The following SPTA1 variants were observed in gnomAD, a reference collection of about 807,000 sequenced individuals.
SPTA1 encodes spectrin alpha chain, erythrocytic 1.
SPTA1 carries 177 observed loss-of-function variants against 324.7 expected under a neutral mutation model. That is an observed-to-expected ratio of 0.55 (90% confidence interval 0.48 to 0.62). SPTA1 has a LOEUF of 0.62. SPTA1 is among the 20% of genes least tolerant of loss of function. SPTA1 has a pLI of 0.00. For missense variants in SPTA1, 3,162 were observed against 2,883.6 expected, an observed-to-expected ratio of 1.10 and a Z score of -2.21; for synonymous variants, 1,195 against 1,041.3, an observed-to-expected ratio of 1.15 and a Z score of -2.84.
At chr1:158,613,041 A>C in intron 50 of SPTA1, 80 bp from the exon 51 acceptor site, 3 of 1,496,902 alleles carry the variant, frequency 2.0e-6, no homozygotes, top group Non-Finnish European at 2.8e-6. Context: ...TCAGTGTCTC[A>C]GAAACAGAGG....
chr1:158,619,697 A>G (rs1649788996), intron 44 of SPTA1, among the ~76,000 whole-genome samples: 1 of 152,216 alleles, frequency 6.6e-6, no homozygotes, highest in Non-Finnish European at 1.5e-5. Flanking sequence ...GTTACTATCT[A>G]AAAATGGTGA....
In SPTA1 at chr1:158,636,723, C is replaced by G. The variant is rs1431539435; in HGVS notation, c.5228G>C (p.Arg1743Thr). 2 of 1,614,042 alleles carry G rather than the reference C, an allele frequency of 1.2e-6. No individual in the cohort carries two copies. Among genetic ancestry groups the G allele is most frequent in the African/African-American group, 2.7e-5 (2 of 74,920 alleles). ...LIRVSSQDYG[R>T]DLQGVQNLLK... The stretch of plus-strand genomic sequence containing the variant: ...CAAGTTCTGAACCCCCTGAAGATCT[C>G]TCCCATAGTCCTGGGAGCTCACTCG... The change falls in exon 37 of 52, where the codon AGA becomes ACA. Residue 1743 changes from arginine to threonine, a missense_variant. Physicochemically the swap from Arg to Thr is moderately conservative, Grantham distance 71. Coordinates refer to ENST00000643759, the MANE Select transcript of SPTA1 (RefSeq NM_003126.4).
intron 3 of SPTA1, 144 bp from the exon 4 acceptor site, chr1:158,681,811 A>T: frequency 9.3e-7 from 1 of 1,079,952 alleles, no homozygotes; most frequent in Non-Finnish European, 1.4e-6. Flanking sequence ...TTAAAAGAGG[A>T]AATAGGATAG....
Position 158,612,806 on chromosome 1 carries a change from C to G in SPTA1, c.7134+11G>C. The G allele has an allele frequency of 6.2e-7, 1 of 1,613,688 alleles. No homozygotes were observed. The highest frequency in any genetic ancestry group is 8.5e-7 in the Non-Finnish European group (1 of 1,179,728). On this transcript the variant is annotated intron_variant, in intron 51 of 51. Coordinates refer to ENST00000643759, the MANE Select transcript of SPTA1 (RefSeq NM_003126.4). ...ATGACAGTGTAGTAGGGGAAGCAAC[C>G]AGAATCGGACCTGCTTCATGTCTTC...
intron 17 of SPTA1, chr1:158,661,613 C>A: frequency 1.5e-6 from 1 of 647,262 alleles, no homozygotes; most frequent in Non-Finnish European, 2.6e-6. Context: ...TAATAAATTT[C>A]AATTCACTGT....
intron 51 of SPTA1, 64 bp downstream of exon 51, chr1:158,612,753 G>A (rs2251963): frequency 0.27 from 428,529 of 1,590,894 alleles, 59,634 homozygotes; most frequent in East Asian, 0.41. Flanking sequence ...AGGCCACCGG[G>A]CCTGAGATGA....
rs2101878555 is a variant in SPTA1, at chr1:158,657,615, A to G, written c.2667T>C (p.Ala889=). 6.2e-7 allele frequency: 1 copy of G among 1,614,140 alleles called. No homozygotes were observed. The highest frequency in any genetic ancestry group is 1.3e-5 in the African/African-American group (1 of 75,024). Residue 889 remains alanine (A), a synonymous_variant, in exon 19 of 52, where the codon GCT becomes GCC. Transcript: ENST00000643759. ...QNMESLRARA[A]RRQNDLEANV... ...TGGCTTCAAGATCATTTTGTCGCCT[A>G]GCAGCTCGAGCACGGAGAGACTCCA...
At chr1:158,640,706 G>T (rs1651489968) in intron 33 of SPTA1, among the ~76,000 whole-genome samples, 1 of 152,024 alleles carries the variant, frequency 6.6e-6, no homozygotes, top group Non-Finnish European at 1.5e-5. Context: ...CATGCTCATG[G>T]GTAGGAAGAA....
chr1:158,646,982 A>C (rs1230134039), intron 27 of SPTA1, among the ~76,000 whole-genome samples: 1 of 152,080 alleles, frequency 6.6e-6, no homozygotes, highest in East Asian at 1.9e-4. Context: ...TATTATTTTT[A>C]AGTTTATCTC....
intron 29 of SPTA1, among the ~76,000 whole-genome samples, chr1:158,644,786 AATC>A (rs1365799694): frequency 6.6e-6 from 1 of 152,208 alleles, no homozygotes; most frequent in Non-Finnish European, 1.5e-5. Flanking sequence ...GTTTATTAAT[AATC>A]ATCTCACTGT....
chr1:158,650,690 T>A (rs1350279923), intron 24 of SPTA1, among the ~76,000 whole-genome samples: 40 of 152,260 alleles, frequency 2.6e-4, no homozygotes, highest in Non-Finnish European at 1.5e-4. Context: ...ATTTCTTCTG[T>A]GTGTGACAGT....
chr1:158,684,095 GAAA>G (rs869026924), intron 2 of SPTA1, among the ~76,000 whole-genome samples: 1 of 6,704 alleles, frequency 1.5e-4, no homozygotes, highest in Non-Finnish European at 5.4e-4. Context: ...ATTTAGGGAA[GAAA>G]AAAAAAAAAC....
intron 47 of SPTA1, among the ~76,000 whole-genome samples, chr1:158,615,654 A>C (rs1248918157): frequency 6.6e-6 from 1 of 151,980 alleles, no homozygotes; most frequent in Non-Finnish European, 1.5e-5. Context: ...GTAGTTATAC[A>C]CACACACACA....
chr1:158,660,629 T>C (rs1282150064), intron 18 of SPTA1, among the ~76,000 whole-genome samples: 1 of 152,164 alleles, frequency 6.6e-6, no homozygotes, highest in Non-Finnish European at 1.5e-5. Flanking sequence ...ATCACTCAGG[T>C]GGGATCTGAA....
intron 39 of SPTA1, among the ~76,000 whole-genome samples, chr1:158,631,171 T>G (rs1650648337): frequency 6.6e-6 from 1 of 152,230 alleles, no homozygotes; most frequent in Non-Finnish European, 1.5e-5. Flanking sequence ...CTTGTGTTTA[T>G]AGCAGTACAA....
chr1:158,612,786 A>C, intron 51 of SPTA1, 31 bp downstream of exon 51: 5 of 1,612,972 alleles, frequency 3.1e-6, no homozygotes, highest in Non-Finnish European at 4.2e-6. Flanking sequence ...TTAGGATGAC[A>C]GTGTAGTAGG....
At chr1:158,633,534 G>A (rs1392249608) in intron 39 of SPTA1, among the ~76,000 whole-genome samples, 3 of 151,512 alleles carry the variant, frequency 2.0e-5, no homozygotes, top group South Asian at 2.1e-4. Flanking sequence ...GGTGGCAGCC[G>A]CCTGTAGTCC....
intron 39 of SPTA1, among the ~76,000 whole-genome samples, chr1:158,631,435 T>C (rs1351138515): frequency 6.6e-6 from 1 of 151,926 alleles, no homozygotes; most frequent in Non-Finnish European, 1.5e-5. Context: ...AATGATACAA[T>C]GGACTTAGAG....
Position 158,678,389 on chromosome 1 carries a change from C to T in SPTA1, c.812+12G>A, listed in dbSNP as rs1257660763. ...TTCAAAGTTTTCTATAAAGCAGTGG[C>T]CAGATCCATACCTTTTGAATCGTTG... is the stretch of plus-strand genomic sequence containing the variant. On this transcript the variant is annotated intron_variant, in intron 6 of 51. Coordinates refer to ENST00000643759, the MANE Select transcript of SPTA1 (RefSeq NM_003126.4). The T allele has an allele frequency of 5.6e-6, 9 of 1,613,340 alleles. No individual in the cohort carries two copies. The highest frequency in any genetic ancestry group is 1.3e-5 in the African/African-American group (1 of 74,854).
Sources: allele counts gnomAD v4.1 joint callset (sites outside exome capture counted in the v4.1 genomes callset), GRCh38; gene constraint gnomAD v4.1.1; transcripts MANE v1.5; gene names NCBI Gene and HGNC (gene_info 2026-07-23, HGNC 2026-07-21).